Variants in ZFHX3 observed in about 807,000 individuals in gnomAD.
ZFHX3 encodes the protein zinc finger homeobox protein 3.
In ZFHX3, 42 loss-of-function variants were observed where a neutral mutation model predicts 279.1. The ratio of observed to expected loss-of-function variants is 0.15; its 90% confidence interval spans 0.12 to 0.19. ZFHX3 has a LOEUF of 0.19. ZFHX3 is among the 10% of genes least tolerant of loss of function. The probability of loss-of-function intolerance (pLI) is 1.00; values close to 1 mark genes in which losing one functional copy is unlikely to be tolerated. For missense variants in ZFHX3, 4,981 were observed against 4,754.0 expected (o/e 1.05, Z -1.40); for synonymous variants, 2,293 against 1,957.8 (o/e 1.17, Z -4.52).
intron 2 of ZFHX3, among the ~76,000 whole-genome samples, chr16:73,464,119 A>C (rs560739193): frequency 6.6e-6 from 1 of 152,240 alleles, no homozygotes; most frequent in South Asian, 2.1e-4. Flanking sequence ...AAGCCATCAA[A>C]TATTACTGGG....
At chr16:73,404,376 C>A (rs2143441518) in intron 3 of ZFHX3, among the ~76,000 whole-genome samples, 1 of 152,278 alleles carries the variant, frequency 6.6e-6, no homozygotes, top group East Asian at 1.9e-4. Context: ...TCTTTGAGTG[C>A]TTTTTCTACT....
At chr16:73,320,962 G>A (rs892242424) in intron 3 of ZFHX3, among the ~76,000 whole-genome samples, 2 of 152,200 alleles carry the variant, frequency 1.3e-5, no homozygotes, top group African/African-American at 4.8e-5. Context: ...TTCTAACCAT[G>A]AGCCACTGAC....
upstream of ZFHX3, among the ~76,000 whole-genome samples, chr16:73,050,738 C>T (rs1965433162): frequency 1.3e-5 from 2 of 152,192 alleles, no homozygotes; most frequent in African/African-American, 4.8e-5. Flanking sequence ...ACATTCTCAT[C>T]GCTCCATCCT....
chr16:73,000,041 C>G (rs1963437293), intron 1 of ZFHX3, among the ~76,000 whole-genome samples: 1 of 152,232 alleles, frequency 6.6e-6, no homozygotes, highest in Admixed American at 6.5e-5. Flanking sequence ...TGACACTGGG[C>G]TTTGTTCCCG....
At chr16:72,811,136 C>A (rs914391463) in intron 7 of ZFHX3, among the ~76,000 whole-genome samples, 1 of 152,092 alleles carries the variant, frequency 6.6e-6, no homozygotes, top group Admixed American at 6.5e-5. Context: ...CCCCCCACCA[C>A]GGCCTCCCAA....
At chr16:73,805,134 G>A (rs1297651505) in intron 1 of ZFHX3, among the ~76,000 whole-genome samples, 1 of 151,908 alleles carries the variant, frequency 6.6e-6, no homozygotes, top group Non-Finnish European at 1.5e-5. Context: ...TTTTTCATAA[G>A]TACCTCTTTA....
rs867889740 is a variant in ZFHX3, at chr16:73,294,013, A to C, written c.-1194+24227T>G. The C allele has an allele frequency of 4.0e-3, 565 of 141,688 alleles. 4 individuals carry two copies. Among genetic ancestry groups the C allele is most frequent in the African/African-American group, 0.013 (501 of 38,092 alleles). 8.8% of individuals were successfully genotyped at this position (141,688 alleles called of 1,614,324 possible). A position where few individuals can be genotyped will look rare whatever the true frequency, so the allele number is the denominator to read the frequency against. ...AAAAAAAAAAAAAAAAAAAAAAAAA[A>C]CCACAAAGCTCAGTATTGAAACTCT... On this transcript the variant is annotated intron_variant, in intron 4 of 17. Transcript: ENST00000641206.
At chr16:73,204,236 T>C (rs2011712111) in intron 5 of ZFHX3, among the ~76,000 whole-genome samples, 1 of 151,506 alleles carries the variant, frequency 6.6e-6, no homozygotes, top group African/African-American at 2.4e-5. Flanking sequence ...GCGCATTACA[T>C]TTACTGTGCA....
intron 2 of ZFHX3, among the ~76,000 whole-genome samples, chr16:73,655,191 A>C (rs2052711156): frequency 6.6e-6 from 1 of 152,178 alleles, no homozygotes. Flanking sequence ...TGAAATACTG[A>C]GATTTCCTCA....
At chr16:73,400,080 A>T (rs1033395448) in intron 3 of ZFHX3, 1 of 151,982 alleles carries the variant, frequency 6.6e-6, no homozygotes, top group African/African-American at 2.4e-5. Context: ...TCTGTAAAAA[A>T]AAAAAAAAAA....
At position 72,958,342 on chromosome 16, in the gene ZFHX3, C is replaced by T. The variant is rs1188637708; in HGVS notation, c.1804G>A (p.Ala602Thr). The change falls in exon 2 of 10, where the codon GCA (alanine) becomes ACA (threonine). Residue 602 changes from alanine to threonine, a missense_variant. By Grantham distance (58) the Ala-to-Thr change is moderately conservative. Around this residue, in one of 7 missense-constraint regions of ZFHX3, gnomAD observed 1,068 missense variants for 935.2 expected, o/e 1.14. Transcript: ENST00000268489. ...DESANKDNAT[A>T]PEPNESTEGD... ...TCTGTGCTTTCATTTGGTTCTGGTG[C>T]TGTGGCATTGTCTTTATTGGCACTT... 1 of 1,614,084 alleles carries T rather than the reference C, an allele frequency of 6.2e-7. No individual in the cohort carries two copies. Among genetic ancestry groups the T allele is most frequent in the East Asian group, 2.2e-5 (1 of 44,858 alleles).
At chr16:73,373,266 A>C (rs2016664116) in intron 3 of ZFHX3, among the ~76,000 whole-genome samples, 1 of 152,066 alleles carries the variant, frequency 6.6e-6, no homozygotes, top group Non-Finnish European at 1.5e-5. Context: ...CTTTGGCCGA[A>C]TTGTGCTATG....
At chr16:73,133,232 T>C (rs1338072947) in intron 6 of ZFHX3, among the ~76,000 whole-genome samples, 1 of 152,090 alleles carries the variant, frequency 6.6e-6, no homozygotes, top group Non-Finnish European at 1.5e-5. Flanking sequence ...TTTAAAGAGG[T>C]AATTCGGGGC....
At chr16:73,644,226 C>T (rs896463756) in intron 2 of ZFHX3, among the ~76,000 whole-genome samples, 4 of 152,088 alleles carry the variant, frequency 2.6e-5, no homozygotes, top group African/African-American at 9.7e-5. Context: ...TGATGACTTC[C>T]GAGTCCTCCT....
intron 4 of ZFHX3, among the ~76,000 whole-genome samples, chr16:72,860,929 T>C (rs1483584624): frequency 2.0e-5 from 3 of 152,228 alleles, no homozygotes; most frequent in Non-Finnish European, 2.9e-5. Context: ...CATTTATTTT[T>C]TGTGTGCACA....
intron 8 of ZFHX3, among the ~76,000 whole-genome samples, chr16:73,077,000 G>A (rs932083559): frequency 2.0e-5 from 3 of 152,062 alleles, no homozygotes; most frequent in Non-Finnish European, 4.4e-5. Flanking sequence ...ATCTTCTAGG[G>A]GAATTCACTA....
chr16:73,567,293 T>C (rs990777063), intron 2 of ZFHX3, among the ~76,000 whole-genome samples: 2 of 151,648 alleles, frequency 1.3e-5, no homozygotes, highest in African/African-American at 4.9e-5. Flanking sequence ...TAAGATCACA[T>C]GCTAAGATTC....
Position 73,365,107 on chromosome 16 carries a change from G to A in ZFHX3, c.-1290-46771C>T, listed in dbSNP as rs2016508102. 2.0e-5 allele frequency among the ~76,000 whole-genome samples: 3 copies of A among 152,228 alleles called. No homozygotes were observed. The South Asian group carries it at 6.2e-4, about 31-fold the overall frequency. On this transcript the variant is annotated intron_variant, in intron 3 of 17. Transcript: ENST00000641206. ...TGAAGTGCCACATGTTTCGAGAAGA[G>A]AGGCATTCTCCAGAGGAATTCCATG... is the stretch of plus-strand genomic sequence containing the variant.
chr16:72,861,081 ACTCC>A (rs1267083520), intron 4 of ZFHX3, among the ~76,000 whole-genome samples: 1 of 151,816 alleles, frequency 6.6e-6, no homozygotes, highest in Non-Finnish European at 1.5e-5. Context: ...CATGCAAATG[ACTCC>A]CTAACCCGCC....
Sources: gnomAD v4.1 joint callset for allele counts (sites outside exome capture counted in the v4.1 genomes callset) on GRCh38, gnomAD v4.1.1 for gene constraint, gnomAD v4.1.1 regional missense constraint, MANE v1.5 for transcripts, NCBI Gene and HGNC (gene_info 2026-07-23, HGNC 2026-07-21) for gene names.